IP6K1: variants seen among roughly 807,000 people sequenced by gnomAD.
IP6K1 encodes inositol hexakisphosphate kinase 1, also known as ATP:1D-myo-inositol-hexakisphosphate phosphotransferase.
Under a neutral mutation model 38.3 loss-of-function variants are expected in IP6K1, and 13 were observed. The ratio of observed to expected loss-of-function variants is 0.34; its 90% CI spans 0.22 to 0.54. The LOEUF (loss-of-function observed/expected upper bound fraction) is 0.54. IP6K1 is among the 20% of genes least tolerant of loss of function. The pLI, the probability that IP6K1 is intolerant of heterozygous loss-of-function variation, is 0.92. For synonymous variants in IP6K1, 212 were observed against 229.9 expected, an observed-to-expected ratio of 0.92 and a Z score of 0.70; for missense variants, 397 against 599.8, an observed-to-expected ratio of 0.66 and a Z score of 3.53.
chr3:49,747,561 C>T (rs2080732075), intron 2 of IP6K1, among the ~76,000 whole-genome samples: 1 of 152,216 alleles, frequency 6.6e-6, no homozygotes, highest in South Asian at 2.1e-4. Flanking sequence ...AATTCACTGA[C>T]AACAGCATGC....
intron 2 of IP6K1, among the ~76,000 whole-genome samples, chr3:49,744,425 A>G (rs995518196): frequency 1.3e-5 from 2 of 151,040 alleles, no homozygotes; most frequent in Non-Finnish European, 3.0e-5. Flanking sequence ...AAAAAAAAAA[A>G]AAAGAAATTA....
chr3:49,767,569 A>G (rs749540316), intron 1 of IP6K1, among the ~76,000 whole-genome samples: 3 of 148,274 alleles, frequency 2.0e-5, no homozygotes, highest in Non-Finnish European at 4.5e-5. Context: ...ACAGAGTGAG[A>G]CTCCATCTCA....
chr3:49,773,980 AACACACACACACACACAC>A (rs10575617), intron 1 of IP6K1, among the ~76,000 whole-genome samples: 2 of 142,262 alleles, frequency 1.4e-5, no homozygotes, highest in Admixed American at 7.2e-5. Flanking sequence ...CTCTCTCTAA[AACACACACACACACACAC>A]ACACACACAC....
At chr3:49,748,319 T>C (rs927407292) in intron 1 of IP6K1, among the ~76,000 whole-genome samples, 151 bp from the exon 2 acceptor site, 2 of 152,072 alleles carry the variant, frequency 1.3e-5, no homozygotes, top group African/African-American at 4.8e-5. Flanking sequence ...TGAAAGGCAG[T>C]TGGTTAAATT....
At chr3:49,746,910 G>C (rs2080725602) in intron 2 of IP6K1, among the ~76,000 whole-genome samples, 1 of 152,094 alleles carries the variant, frequency 6.6e-6, no homozygotes, top group Admixed American at 6.5e-5. Context: ...TGGAAGAATG[G>C]GGAGTTATTA....
intron 2 of IP6K1, among the ~76,000 whole-genome samples, chr3:49,746,148 T>C (rs1238266172): frequency 6.6e-6 from 1 of 152,022 alleles, no homozygotes; most frequent in African/African-American, 2.4e-5. Context: ...GTTTGGCAGT[T>C]CCTCCGAAAG....
chr3:49,737,071 C>CTTTT (rs527723899), intron 3 of IP6K1, among the ~76,000 whole-genome samples: 5 of 113,032 alleles, frequency 4.4e-5, no homozygotes, highest in South Asian at 3.0e-4. Flanking sequence ...CAAGCCTGGC[C>CTTTT]TTTTTTTTTT....
At chr3:49,751,354 G>A (rs188365666) in intron 1 of IP6K1, among the ~76,000 whole-genome samples, 33 of 152,168 alleles carry the variant, frequency 2.2e-4, no homozygotes, top group African/African-American at 7.2e-4. Context: ...TGGAGACGGG[G>A]TTTCACCATG....
intron 1 of IP6K1, among the ~76,000 whole-genome samples, chr3:49,760,703 T>TTCCAAATTTC (rs1196435639): frequency 6.6e-6 from 1 of 151,894 alleles, no homozygotes; most frequent in African/African-American, 2.4e-5. Flanking sequence ...TAAGAGCAGT[T>TTCCAAATTTC]TCCAAATTTC....
intron 5 of IP6K1, 30 bp downstream of exon 5, chr3:49,728,073 G>GC: frequency 6.3e-7 from 1 of 1,593,686 alleles, no homozygotes. Context: ...GCAAGTGGCA[G>GC]CACCTAGGCT....
chr3:49,742,278 G>A (rs535856085), intron 2 of IP6K1, among the ~76,000 whole-genome samples: 3 of 152,172 alleles, frequency 2.0e-5, no homozygotes, highest in Non-Finnish European at 2.9e-5. Context: ...GGCTGGGCAC[G>A]GTGGCTTACG....
At chr3:49,774,420 A>AAG (rs1553697039) in intron 1 of IP6K1, among the ~76,000 whole-genome samples, 11 of 151,018 alleles carry the variant, frequency 7.3e-5, no homozygotes, top group African/African-American at 1.9e-4. Context: ...AAAAAAAAAA[A>AAG]AAAAAAAAAG....
At chr3:49,743,601 C>G (rs2080692731) in intron 2 of IP6K1, among the ~76,000 whole-genome samples, 1 of 150,260 alleles carries the variant, frequency 6.7e-6, no homozygotes, top group African/African-American at 2.4e-5. Flanking sequence ...ATCACTTGAG[C>G]CATAGTTTTT....
rs1442590592 is a variant in IP6K1 at position 49,725,778 on chromosome 3, C to A, written c.*1344G>T. On this transcript the variant is annotated 3_prime_UTR_variant, in exon 6 of 6. Transcript: ENST00000321599. Reference sequence around the variant, plus strand: ...GGAAGGGTCACTCCTCAAGCCCTCACTGCCCCACTCTAAGGGTTGAGGGCC... The same window carrying A: ...GGAAGGGTCACTCCTCAAGCCCTCAATGCCCCACTCTAAGGGTTGAGGGCC... 6.6e-6 allele frequency: 1 copy of A among 152,560 alleles called. No homozygotes were observed. The highest frequency in any genetic ancestry group is 2.4e-5 in the African/African-American group (1 of 41,404). 9.5% of individuals were successfully genotyped at this position (152,560 alleles called of 1,614,324 possible). A position where few individuals can be genotyped will look rare whatever the true frequency, so the allele number is the denominator to read the frequency against.
At chr3:49,780,746 C>A (rs1200256898) in intron 1 of IP6K1, among the ~76,000 whole-genome samples, 1 of 152,208 alleles carries the variant, frequency 6.6e-6, no homozygotes, top group Non-Finnish European at 1.5e-5. Flanking sequence ...GCCCTTTGAG[C>A]AAGTTCTGTC....
chr3:49,747,746 C>A, intron 2 of IP6K1, 72 bp downstream of exon 2: 4 of 1,587,184 alleles, frequency 2.5e-6, no homozygotes, highest in Non-Finnish European at 2.6e-6. Context: ...GGCAAACAAA[C>A]CAAGAAAAAA....
rs777053572 is a variant in IP6K1 at position 49,738,317 on chromosome 3, C to A, written c.329G>T (p.Arg110Leu). The A allele has an allele frequency of 6.2e-7, 1 of 1,614,184 alleles. No individual in the cohort carries two copies. The highest frequency in any genetic ancestry group is 2.2e-5 in the East Asian group (1 of 44,888). ...GGAGTGTTTGCGCCGAGGTTGCTCC[C>A]GTTCTGTTGTGTCATCCTGTTCCAC... ...ETVEQDDTTE[R>L]EQPRRKHSRR... Residue 110 changes from arginine to leucine, a missense_variant, in exon 3 of 6, where the codon CGG (arginine) becomes CTG (leucine). This residue lies in a region of IP6K1 where 171 missense variants were observed against 237.0 expected (regional missense o/e 0.72). Coordinates refer to ENST00000321599, the MANE Select transcript of IP6K1 (RefSeq NM_153273.4).
chr3:49,776,910 G>C (rs928743816), intron 1 of IP6K1, among the ~76,000 whole-genome samples: 5 of 152,180 alleles, frequency 3.3e-5, no homozygotes, highest in African/African-American at 1.2e-4. Flanking sequence ...ACTGGAAAGG[G>C]AAATAAGAGT....
intron 1 of IP6K1, among the ~76,000 whole-genome samples, chr3:49,767,032 T>G (rs1490056716): frequency 6.9e-6 from 1 of 144,772 alleles, no homozygotes; most frequent in African/African-American, 2.6e-5. Context: ...TGGGAAGCCA[T>G]GGCAGGAGGA....
Sources: allele counts gnomAD v4.1 joint callset (sites outside exome capture counted in the v4.1 genomes callset), GRCh38; gene constraint gnomAD v4.1.1; regional missense constraint gnomAD v4.1.1; transcripts MANE v1.5; gene names NCBI Gene and HGNC (gene_info 2026-07-23, HGNC 2026-07-21).